Variants in SLC35B3 observed in about 807,000 individuals in gnomAD.
SLC35B3 encodes adenosine 3'-phospho 5'-phosphosulfate transporter 2.
A neutral mutation model predicts 44.1 loss-of-function variants in SLC35B3; 35 were observed. The ratio of observed to expected loss-of-function variants is 0.79; its 90% CI spans 0.61 to 1.05. SLC35B3 has a LOEUF of 1.05. SLC35B3 is among the 50% of genes least tolerant of loss of function. SLC35B3 has a pLI of 0.00. For synonymous variants in SLC35B3, 146 were observed against 167.3 expected, an observed-to-expected ratio of 0.87 and a Z score of 0.98; for missense variants, 414 against 476.4, an observed-to-expected ratio of 0.87 and a Z score of 1.22.
At chr6:8,431,520 CACA>C (rs1763983763) in intron 2 of SLC35B3, among the ~76,000 whole-genome samples, 2 of 152,222 alleles carry the variant, frequency 1.3e-5, no homozygotes, top group Admixed American at 6.5e-5. Context: ...ATGCAGCCAC[CACA>C]ACATTTTATA....
rs767021242 is a variant in SLC35B3, at chr6:8,420,874, C to A, written c.575-46G>T. The A allele has an allele frequency of 2.6e-5, 38 of 1,434,878 alleles. No individual in the cohort carries two copies. The highest frequency in any genetic ancestry group is 2.1e-5 in the Non-Finnish European group (22 of 1,032,024). The allele number at this position is 1,434,878 out of a possible 1,614,324, so 88.9% of individuals were successfully genotyped here. ...TCCACTTCATTATGCAAATACCCAC[C>A]CAGCTTTATATTTGCTCTATGTGTT... is the stretch of plus-strand genomic sequence containing the variant. On this transcript the variant is annotated intron_variant, in intron 5 of 10. Transcript: ENST00000644923. This position sits in a 1 kb window ranked among gnomAD's most constrained non-coding sequence, Gnocchi z 4.4.
chr6:8,425,507 TAATG>T (rs942154953), intron 4 of SLC35B3, among the ~76,000 whole-genome samples: 47 of 152,124 alleles, frequency 3.1e-4, no homozygotes, highest in African/African-American at 1.1e-3. Flanking sequence ...AACATAAAAA[TAATG>T]AAGATGATAT....
rs139786593 is a variant in SLC35B3, at chr6:8,430,081, T to G, written c.80A>C (p.Glu27Ala). The change falls in exon 3 of 11, where the codon GAA (glutamate) becomes GCA (alanine). Residue 27 changes from glutamate to alanine, a missense_variant. By Grantham distance (107) the Glu-to-Ala change is moderately radical (BLOSUM62 -1). Coordinates refer to ENST00000644923, the MANE Select transcript of SLC35B3 (RefSeq NM_001370476.2). Reference sequence around the variant, plus strand: ...GAGATCCATTGTTATTTTGCTGCATTCAATGCTTTCAGAGTTATTTTTGTT... The same window carrying G: ...GAGATCCATTGTTATTTTGCTGCATGCAATGCTTTCAGAGTTATTTTTGTT... The G allele has an allele frequency of 7.7e-4, 1,245 of 1,613,780 alleles. 2 individuals are homozygous for G. Among genetic ancestry groups the G allele is most frequent in the Non-Finnish European group, 7.7e-4 (908 of 1,179,812 alleles).
At position 8,430,147 on chromosome 6, in the gene SLC35B3, T is replaced by G. The variant is rs1386874954; in HGVS notation, c.14A>C (p.Gln5Pro). ...TATGTTCTGTATGTCTTTTGCTTGC[T>G]GTGTCAAGTCCTAGAGAAGGAAATA... The change falls in exon 3 of 11, where the codon CAG becomes CCG. Residue 5 changes from glutamine (Q) to proline (P), a missense_variant. Gln to Pro is a moderately conservative substitution (Grantham distance 76). Coordinates refer to ENST00000644923, the MANE Select transcript of SLC35B3 (RefSeq NM_001370476.2). 2 of 1,581,086 alleles carry G rather than the reference T, an allele frequency of 1.3e-6. No homozygotes were observed. The highest frequency in any genetic ancestry group is 3.4e-4 in the Middle Eastern group (2 of 5,894).
rs1457496446 is a variant in SLC35B3 at position 8,432,629 on chromosome 6, T to C, written c.3+1756A>G. ...CAAATCGTTTAACTTTTCTGAGCTT[T>C]AGGTTCTGCACCTTCAAAAGTGGGA... On this transcript the variant is annotated intron_variant, in intron 2 of 10. Transcript: ENST00000644923. This position sits in a 1 kb window ranked among gnomAD's most constrained non-coding sequence, Gnocchi z 4.8. Among the ~76,000 whole-genome samples, 9 of 152,182 alleles carry C rather than the reference T, an allele frequency of 5.9e-5. No homozygotes were observed. The highest frequency in any genetic ancestry group is 5.2e-4 in the Admixed American group (8 of 15,280).
Position 8,433,685 on chromosome 6 carries a change from C to T in SLC35B3, c.3+700G>A, listed in dbSNP as rs1412647797. 6.6e-6 allele frequency among the ~76,000 whole-genome samples: 1 copy of T among 152,092 alleles called. No individual in the cohort carries two copies. The highest frequency in any genetic ancestry group is 1.5e-5 in the Non-Finnish European group (1 of 68,008). The stretch of plus-strand genomic sequence containing the variant: ...CTCCCCACAAAACATTTGAAATGAA[C>T]ATGAAAATAAATTTGTTTCCTCTGC... On this transcript the variant is annotated intron_variant, in intron 2 of 10. Coordinates refer to ENST00000644923, the MANE Select transcript of SLC35B3 (RefSeq NM_001370476.2). The surrounding 1 kb of genome is among the most constrained non-coding windows in gnomAD (Gnocchi z 4.1).
rs2327049 is a variant in SLC35B3 at position 8,430,876 on chromosome 6, C to T, written c.4-719G>A. ...TTGCACCCCTGCACTCCAGCCTGGGCGACAGAGCCAGACCCTGTCTCTAGA... is the reference window on the plus strand; with the variant it reads ...TTGCACCCCTGCACTCCAGCCTGGGTGACAGAGCCAGACCCTGTCTCTAGA... On this transcript the variant is annotated intron_variant, in intron 2 of 10. Coordinates refer to ENST00000644923, the MANE Select transcript of SLC35B3 (RefSeq NM_001370476.2). Among the ~76,000 whole-genome samples, 87 of 151,616 alleles carry T rather than the reference C, an allele frequency of 5.7e-4. 1 individual carries two copies. The East Asian group carries it at 0.016, about 27-fold the overall frequency.
At chr6:8,423,567 A>G (rs562112095) in intron 4 of SLC35B3, among the ~76,000 whole-genome samples, 1 of 152,310 alleles carries the variant, frequency 6.6e-6, no homozygotes, top group South Asian at 2.1e-4. Flanking sequence ...AATCTTGTCT[A>G]CTGGTATGAC....
intron 3 of SLC35B3, among the ~76,000 whole-genome samples, chr6:8,428,950 C>G (rs1763698155): frequency 6.6e-6 from 1 of 152,068 alleles, no homozygotes; most frequent in Admixed American, 6.6e-5. Context: ...AACTAAAAAA[C>G]AGTCACAATT....
At chr6:8,429,590 TTGG>T (rs1322087587) in intron 3 of SLC35B3, among the ~76,000 whole-genome samples, 2 of 152,202 alleles carry the variant, frequency 1.3e-5, no homozygotes, top group Non-Finnish European at 2.9e-5. Flanking sequence ...TTGCTTTCTC[TTGG>T]AAGCACACAT....
In SLC35B3 at chr6:8,413,674, C is replaced by A; in HGVS notation, c.1081G>T (p.Val361Phe). ...TAAACATTAAGAAATATACCAAGGA[C>A]AACTAACAAACCAGACCATACATAC... Residue 361 changes from valine (V) to phenylalanine (F), a missense_variant, in exon 11 of 11, where the codon GTC becomes TTC. Transcript: ENST00000644923. The A allele has an allele frequency of 6.4e-7, 1 of 1,567,318 alleles. No individual in the cohort carries two copies. The highest frequency in any genetic ancestry group is 8.7e-7 in the Non-Finnish European group (1 of 1,146,630).
chr6:8,435,186 GCT>G lies in SLC35B3; in HGVS notation c.-44+155_-44+156del. On this transcript the variant is annotated intron_variant, in intron 1 of 10. Coordinates refer to ENST00000644923, the MANE Select transcript of SLC35B3 (RefSeq NM_001370476.2). The surrounding 1 kb of genome is among the most constrained non-coding windows in gnomAD (Gnocchi z 5.5). ...CCTGGAAACCGCCCGGCCGGTTTCC[GCT>G]CTTTCAAAAAAGGGAATCACCCGTT... The G allele has an allele frequency of 7.8e-7, 1 of 1,288,190 alleles. No individual in the cohort carries two copies. The highest frequency in any genetic ancestry group is 1.2e-5 in the South Asian group (1 of 80,974). 79.8% of individuals were successfully genotyped at this position (1,288,190 alleles called of 1,614,324 possible).
At chr6:8,423,345 TATA>T (rs1480916174) in intron 4 of SLC35B3, among the ~76,000 whole-genome samples, 1 of 152,236 alleles carries the variant, frequency 6.6e-6, no homozygotes, top group Non-Finnish European at 1.5e-5. Context: ...TAATTTTTAT[TATA>T]ATATCTTATA....
intron 8 of SLC35B3, 120 bp from the exon 8 acceptor site, chr6:8,417,115 C>G: frequency 1.7e-6 from 1 of 590,070 alleles, no homozygotes; most frequent in Non-Finnish European, 3.0e-6. Context: ...ACAATGCAGT[C>G]AAGCAAAGAT....
At chr6:8,413,847 A>G (rs1221786285) in intron 10 of SLC35B3, 148 bp from the exon 10 acceptor site, 2 of 548,172 alleles carry the variant, frequency 3.6e-6, no homozygotes, top group Non-Finnish European at 6.3e-6. Flanking sequence ...AAATAAAAAT[A>G]GTATTCTTAG....
At chr6:8,427,843 TTTG>T in intron 4 of SLC35B3, 91 bp downstream of exon 3, 1 of 1,105,708 alleles carries the variant, frequency 9.0e-7, no homozygotes. Context: ...TATCACATGT[TTTG>T]TTAATAGAAG....
Position 8,429,864 on chromosome 6 carries a change from C to A in SLC35B3, c.297G>T (p.Gln99His). 6.4e-7 allele frequency: 1 copy of A among 1,551,296 alleles called. No individual in the cohort carries two copies. Among genetic ancestry groups the A allele is most frequent in the South Asian group, 1.2e-5 (1 of 84,644 alleles). The stretch of plus-strand genomic sequence containing the variant: ...TATTACAAACATATAACTTTTTTAC[C>A]TGTAAATACCCATAAATTAGGTAAA... The change falls in exon 3 of 11, where the codon CAG (glutamine) becomes CAT (histidine). Residue 99 changes from glutamine to histidine, a missense_variant and splice_region_variant. Physicochemically the swap from Gln to His is conservative, Grantham distance 24. Coordinates refer to ENST00000644923, the MANE Select transcript of SLC35B3 (RefSeq NM_001370476.2).
rs1762154170 is a variant in SLC35B3 at position 8,413,636 on chromosome 6, C to T, written c.1119G>A (p.Met373Ile). The stretch of plus-strand genomic sequence containing the variant: ...ACAGTGATGGTAGTCTTATTTTATC[C>T]ATATTTTTGCTGTAAACATTAAGAA... The change falls in exon 11 of 11, where the codon ATG (methionine) becomes ATA (isoleucine). Residue 373 changes from methionine (M) to isoleucine (I), a missense_variant. By Grantham distance (10) the Met-to-Ile change is conservative. Transcript: ENST00000644923. 3.1e-6 allele frequency: 5 copies of T among 1,594,416 alleles called. No individual in the cohort carries two copies. The highest frequency in any genetic ancestry group is 4.3e-6 in the Non-Finnish European group (5 of 1,166,898).
chr6:8,417,390 A>G lies in SLC35B3; in HGVS notation c.873+12T>C. On this transcript the variant is annotated intron_variant, in intron 8 of 10. Transcript: ENST00000644923. ...CAGAAGATTTTTTTTTTTAAATGTG[A>G]TTAGTGTTTACCTTTGCACAAAATG... 2 of 1,498,544 alleles carry G rather than the reference A, an allele frequency of 1.3e-6. No individual in the cohort carries two copies. The highest frequency in any genetic ancestry group is 1.4e-5 in the African/African-American group (1 of 70,966). 92.8% of individuals were successfully genotyped at this position (1,498,544 alleles called of 1,614,324 possible). A position where few individuals can be genotyped will look rare whatever the true frequency, so the allele number is the denominator to read the frequency against.
Sources: gnomAD v4.1 joint callset for allele counts (sites outside exome capture counted in the v4.1 genomes callset) on GRCh38, gnomAD v4.1.1 for gene constraint, Gnocchi (gnomAD v3.1) non-coding constraint, MANE v1.5 for transcripts, NCBI Gene and HGNC (gene_info 2026-07-23, HGNC 2026-07-21) for gene names.